The following NFIX variants were observed in gnomAD, a reference collection of about 807,000 sequenced individuals.
NFIX encodes nuclear factor I X.
A neutral mutation model predicts 53.3 loss-of-function variants in NFIX; 2 were observed. The observed-to-expected ratio is 0.04, with a 90% confidence interval of 0.02 to 0.12. The LOEUF (loss-of-function observed/expected upper bound fraction) is 0.12, where lower values mean the gene tolerates loss of function less well. Among genes scored for constraint, NFIX ranks in the 10% least tolerant of loss-of-function variants. The pLI, the probability that NFIX is intolerant of heterozygous loss-of-function variation, is 1.00. For missense variants in NFIX, 310 were observed against 674.5 expected, an observed-to-expected ratio of 0.46 and a Z score of 5.99; for synonymous variants, 244 against 289.0, an observed-to-expected ratio of 0.84 and a Z score of 1.58.
rs2012438580 is a variant in NFIX at position 13,012,847 on chromosome 19, G to A, written c.28-12174G>A. Among the ~76,000 whole-genome samples the A allele has an allele frequency of 6.6e-6, 1 of 152,102 alleles. No individual in the cohort carries two copies. On this transcript the variant is annotated intron_variant, in intron 1 of 10. Transcript: ENST00000592199. The surrounding 1 kb of genome is among the most constrained non-coding windows in gnomAD (Gnocchi z 5.0). Reference sequence around the variant, plus strand: ...GCGTCGTCATCTCTAGACTACCCCGGTTTCCGAGGAGCCTCACCTTCAATC... The same window carrying A: ...GCGTCGTCATCTCTAGACTACCCCGATTTCCGAGGAGCCTCACCTTCAATC...
chr19:13,070,633 G>C (rs2016717710), intron 2 of NFIX: 2 of 152,424 alleles, frequency 1.3e-5, no homozygotes, highest in South Asian at 4.1e-4. Context: ...TGGGCCTCCG[G>C]CTGAGGCCGC....
rs894330836 is a variant in NFIX at position 13,027,163 on chromosome 19, G to C, written c.559+1611G>C. ...GCTTTGGTAACTGGTTAGAAGCAGGGGACACCACTCTCACCCCCCAAGTCT... is the reference window on the plus strand; with the variant it reads ...GCTTTGGTAACTGGTTAGAAGCAGGCGACACCACTCTCACCCCCCAAGTCT... On this transcript the variant is annotated intron_variant, in intron 2 of 10. Transcript: ENST00000592199. This position sits in a 1 kb window ranked among gnomAD's most constrained non-coding sequence, Gnocchi z 4.3. Among the ~76,000 whole-genome samples, 7 of 152,022 alleles carry C rather than the reference G, an allele frequency of 4.6e-5. No homozygotes were observed. The highest frequency in any genetic ancestry group is 1.7e-4 in the African/African-American group (7 of 41,386).
chr19:13,035,414 G>T (rs1198985006), intron 2 of NFIX, among the ~76,000 whole-genome samples: 2 of 152,174 alleles, frequency 1.3e-5, no homozygotes, highest in African/African-American at 4.8e-5. Context: ...GTGTGCTGGG[G>T]CTGCTGATCT....
At chr19:13,091,316 C>T (rs2145520475) in intron 10 of NFIX, among the ~76,000 whole-genome samples, 1 of 150,762 alleles carries the variant, frequency 6.6e-6, no homozygotes, top group Middle Eastern at 3.5e-3. Context: ...TGTTCTGGGG[C>T]CTGAGTCCAG....
intron 1 of NFIX, among the ~76,000 whole-genome samples, chr19:13,003,132 A>C (rs1378408998): frequency 1.3e-5 from 2 of 152,050 alleles, no homozygotes; most frequent in Non-Finnish European, 2.9e-5. Context: ...TCCATCTCAC[A>C]CAAAGTCACA....
intron 1 of NFIX, among the ~76,000 whole-genome samples, chr19:13,017,791 C>T (rs2012748195): frequency 6.6e-6 from 1 of 152,228 alleles, no homozygotes; most frequent in African/African-American, 2.4e-5. Context: ...CTCTCTTTGC[C>T]TTGCCTTTTG....
rs3982404 is a variant in NFIX at position 13,067,483 on chromosome 19, CGTGT to C, written c.560-5545_560-5542del. On this transcript the variant is annotated intron_variant, in intron 2 of 10. Coordinates refer to ENST00000592199, the MANE Select transcript of NFIX (RefSeq NM_001365902.3). The surrounding 1 kb of genome is among the most constrained non-coding windows in gnomAD (Gnocchi z 4.2). ...GCGCGCGTGTGTGTGTGTGTGTGTG[CGTGT>C]GTGTGTGTGTGTGTGTGTATGTGTG... Among the ~76,000 whole-genome samples, 27,556 of 147,220 alleles carry C rather than the reference CGTGT, an allele frequency of 0.19. 2,855 individuals are homozygous for C. The highest frequency in any genetic ancestry group is 0.26 in the African/African-American group (10,393 of 40,294).
chr19:13,087,414 C>G (rs1464291838), intron 8 of NFIX, among the ~76,000 whole-genome samples: 1 of 152,128 alleles, frequency 6.6e-6, no homozygotes, highest in Non-Finnish European at 1.5e-5. Flanking sequence ...CCCTACCACC[C>G]ACAGGCAGTG....
chr19:13,063,741 C>G (rs1454370187), intron 2 of NFIX, among the ~76,000 whole-genome samples: 3 of 152,162 alleles, frequency 2.0e-5, no homozygotes, highest in Non-Finnish European at 4.4e-5. Context: ...CTCCTCCAAA[C>G]TCCTGCTTGT....
chr19:13,060,096 C>T lies in NFIX; in HGVS notation c.560-12951C>T, dbSNP rs560373889. Among the ~76,000 whole-genome samples, 6 of 152,314 alleles carry T rather than the reference C, an allele frequency of 3.9e-5. No homozygotes were observed. The highest frequency in any genetic ancestry group is 2.1e-4 in the South Asian group (1 of 4,826). On this transcript the variant is annotated intron_variant, in intron 2 of 10. Coordinates refer to ENST00000592199, the MANE Select transcript of NFIX (RefSeq NM_001365902.3). This position sits in a 1 kb window ranked among gnomAD's most constrained non-coding sequence, Gnocchi z 4.3. Reference sequence around the variant, plus strand: ...AGCCACCGCACCCGGCCAAGAGGAACGCTTTTGGCCTCCATTTCTTCCCTC... The same window carrying T: ...AGCCACCGCACCCGGCCAAGAGGAATGCTTTTGGCCTCCATTTCTTCCCTC...
chr19:13,008,135 C>T (rs1393682468), intron 1 of NFIX, among the ~76,000 whole-genome samples: 1 of 152,204 alleles, frequency 6.6e-6, no homozygotes, highest in African/African-American at 2.4e-5. Flanking sequence ...GGGATTCTTC[C>T]AGCTGGTGGG....
At chr19:13,046,827 G>C (rs2015019091) in intron 2 of NFIX, among the ~76,000 whole-genome samples, 1 of 152,166 alleles carries the variant, frequency 6.6e-6, no homozygotes, top group Non-Finnish European at 1.5e-5. Flanking sequence ...ATGGTGTTTG[G>C]GGGCATTGGG....
In NFIX at chr19:13,078,608, C is replaced by A. The variant is rs748466972; in HGVS notation, c.956-5C>A. On this transcript the variant is annotated splice_region_variant and splice_polypyrimidine_tract_variant and intron_variant, in intron 6 of 10. Coordinates refer to ENST00000592199, the MANE Select transcript of NFIX (RefSeq NM_001365902.3). The surrounding 1 kb of genome is among the most constrained non-coding windows in gnomAD (Gnocchi z 4.7). ...CTGCCCTGTGTTGCTGCTTCCTCCC[C>A]CCAGGCCCGGCTTCTCTAAAGAAGT... 3 of 1,598,626 alleles carry A rather than the reference C, an allele frequency of 1.9e-6. No individual in the cohort carries two copies. Among genetic ancestry groups the A allele is most frequent in the Admixed American group, 1.7e-5 (1 of 58,340 alleles).
At position 13,025,601 on chromosome 19, in the gene NFIX, G is replaced by A. The variant is rs780464338; in HGVS notation, c.559+49G>A. 4.4e-6 allele frequency: 7 copies of A among 1,576,100 alleles called. No individual in the cohort carries two copies. The highest frequency in any genetic ancestry group is 6.0e-6 in the Non-Finnish European group (7 of 1,162,548). On this transcript the variant is annotated intron_variant, in intron 2 of 10. Coordinates refer to ENST00000592199, the MANE Select transcript of NFIX (RefSeq NM_001365902.3). This position sits in a 1 kb window ranked among gnomAD's most constrained non-coding sequence, Gnocchi z 7.5. Reference sequence around the variant, plus strand: ...CCCTCTCATTTTATTTTCCTTGCTGGCATTTGTTCTGTTTATTGTTCCTCT... The same window carrying A: ...CCCTCTCATTTTATTTTCCTTGCTGACATTTGTTCTGTTTATTGTTCCTCT...
intron 1 of NFIX, among the ~76,000 whole-genome samples, chr19:13,003,293 C>T (rs2011823922): frequency 6.6e-6 from 1 of 152,184 alleles, no homozygotes; most frequent in Admixed American, 6.5e-5. Context: ...CACCCGAACA[C>T]ATCGATGCGG....
Position 13,096,107 on chromosome 19 carries a change from C to T in NFIX, c.*1458C>T, listed in dbSNP as rs1335708663. On this transcript the variant is annotated 3_prime_UTR_variant, in exon 11 of 11. Transcript: ENST00000592199. The stretch of plus-strand genomic sequence containing the variant: ...GGGGAGGATGAGCACGCCCAGCTCC[C>T]CTCCAGGGTGTGACTTGGCCCCTCT... 1 of 152,740 alleles carries T rather than the reference C, an allele frequency of 6.5e-6. No homozygotes were observed. The highest frequency in any genetic ancestry group is 6.5e-5 in the Admixed American group (1 of 15,288). 9.5% of individuals were successfully genotyped at this position (152,740 alleles called of 1,614,324 possible).
intron 2 of NFIX, among the ~76,000 whole-genome samples, chr19:13,039,298 T>TC (rs1354628926): frequency 6.6e-6 from 1 of 151,586 alleles, no homozygotes; most frequent in African/African-American, 2.4e-5. Context: ...CCAGGAGTGT[T>TC]CCCAGCCACG....
At chr19:13,047,850 C>T (rs1350218716) in intron 2 of NFIX, among the ~76,000 whole-genome samples, 1 of 152,186 alleles carries the variant, frequency 6.6e-6, no homozygotes, top group Non-Finnish European at 1.5e-5. Context: ...CTCTTTGTCC[C>T]ATGGTGGCAG....
chr19:13,039,207 T>C (rs2014427147), intron 2 of NFIX, among the ~76,000 whole-genome samples: 1 of 147,386 alleles, frequency 6.8e-6, no homozygotes, highest in African/African-American at 2.7e-5. Context: ...CATGCATTTC[T>C]TTTAAATTAA....
Sources: allele counts gnomAD v4.1 joint callset (sites outside exome capture counted in the v4.1 genomes callset), GRCh38; gene constraint gnomAD v4.1.1; non-coding constraint Gnocchi (gnomAD v3.1); transcripts MANE v1.5; gene names NCBI Gene and HGNC (gene_info 2026-07-23, HGNC 2026-07-21).